The following LHPP variants were observed in gnomAD, a reference collection of about 807,000 sequenced individuals.
The protein encoded by LHPP is hLHPP.
A neutral mutation model predicts 30.3 loss-of-function variants in LHPP; 24 were observed. That is an observed-to-expected ratio of 0.79 (90% CI 0.57 to 1.11). The LOEUF (loss-of-function observed/expected upper bound fraction) is 1.11. Among genes scored for constraint, LHPP ranks in the 50% most tolerant of loss-of-function variants. LHPP has a pLI of 0.00. For missense variants in LHPP, 356 were observed against 367.2 expected (o/e 0.97, Z 0.25); for synonymous variants, 150 against 157.1 (o/e 0.95, Z 0.34).
At chr10:124,582,152 C>G (rs1051279243) in intron 6 of LHPP, among the ~76,000 whole-genome samples, 2 of 152,150 alleles carry the variant, frequency 1.3e-5, no homozygotes, top group Non-Finnish European at 2.9e-5. Context: ...ACAATCACAG[C>G]TCACTGCAAC....
chr10:124,521,996 A>G (rs1178368931), intron 6 of LHPP, among the ~76,000 whole-genome samples: 2 of 152,092 alleles, frequency 1.3e-5, no homozygotes, highest in African/African-American at 2.4e-5. Flanking sequence ...AGATGTATCC[A>G]TTTCTCTTGT....
intron 6 of LHPP, among the ~76,000 whole-genome samples, chr10:124,604,415 C>G (rs1227426035): frequency 6.6e-6 from 1 of 152,194 alleles, no homozygotes; most frequent in Non-Finnish European, 1.5e-5. Context: ...ACGTGGACAG[C>G]AGGGAACCCC....
At chr10:124,507,869 TGGGGGGGTAGGCAGGATTTCAGGTC>T (rs1564798554) in intron 5 of LHPP, among the ~76,000 whole-genome samples, 2 of 13,808 alleles carry the variant, frequency 1.4e-4, no homozygotes, top group African/African-American at 5.1e-4. Context: ...GGATTTCAGG[TGGGGGGGTAGGCAGGATTTCAGGTC>T]GGGGGGGTAG....
chr10:124,539,733 C>T (rs1486171716), intron 6 of LHPP, among the ~76,000 whole-genome samples: 19 of 21,428 alleles, frequency 8.9e-4, no homozygotes, highest in Non-Finnish European at 1.6e-3. Context: ...AAAACCCTGT[C>T]TCAAAAAAAA....
chr10:124,554,655 G>C (rs895565983), intron 6 of LHPP, among the ~76,000 whole-genome samples: 1 of 152,274 alleles, frequency 6.6e-6, no homozygotes, highest in South Asian at 2.1e-4. Context: ...GTGGGCCCAG[G>C]TGGGAGGGGC....
chr10:124,475,460 G>C (rs903662440), intron 1 of LHPP, among the ~76,000 whole-genome samples: 1 of 152,128 alleles, frequency 6.6e-6, no homozygotes, highest in African/African-American at 2.4e-5. Flanking sequence ...AGGATCACTT[G>C]AACCTGGGAG....
Position 124,555,258 on chromosome 10 carries a change from C to A in LHPP, c.716+37987C>A, listed in dbSNP as rs1340885101. On this transcript the variant is annotated intron_variant, in intron 6 of 6. Transcript: ENST00000368842. ...GGAGAACAGGCAGGGTGGGCGAACT[C>A]CTGGCTGGACCACAGCCACAGGCCT... is the stretch of plus-strand genomic sequence containing the variant. Among the ~76,000 whole-genome samples the A allele has an allele frequency of 3.9e-5, 6 of 152,206 alleles. No homozygotes were observed. In the East Asian group the frequency reaches 1.2e-3, roughly 29 times the overall value.
Position 124,613,326 on chromosome 10 carries a change from C to G in LHPP, c.779C>G (p.Ala260Gly). 1.2e-6 allele frequency: 2 copies of G among 1,613,276 alleles called. No individual in the cohort carries two copies. The highest frequency in any genetic ancestry group is 1.7e-6 in the Non-Finnish European group (2 of 1,179,892). ...GGGTACGTGGACAACCTCGCAGAGGCAGTGGACCTGCTGCTGCAGCACGCC... is the reference window on the plus strand; with the variant it reads ...GGGTACGTGGACAACCTCGCAGAGGGAGTGGACCTGCTGCTGCAGCACGCC... ...ADGYVDNLAE[A>G]VDLLLQHADK Residue 260 changes from alanine (A) to glycine (G), a missense_variant, in exon 7 of 7, where the codon GCA becomes GGA. By Grantham distance (60) the Ala-to-Gly change is moderately conservative (BLOSUM62 0). Coordinates refer to ENST00000368842, the MANE Select transcript of LHPP (RefSeq NM_022126.4).
intron 1 of LHPP, among the ~76,000 whole-genome samples, chr10:124,471,068 G>A (rs1175279802): frequency 6.6e-6 from 1 of 152,116 alleles, no homozygotes; most frequent in Admixed American, 6.6e-5. Context: ...TATACAGAGT[G>A]AAAAGTCCAA....
intron 6 of LHPP, among the ~76,000 whole-genome samples, chr10:124,550,786 A>G (rs1296933807): frequency 6.6e-6 from 1 of 152,208 alleles, no homozygotes; most frequent in Non-Finnish European, 1.5e-5. Flanking sequence ...CAGGGCAGCC[A>G]GGAGGGACCT....
intron 6 of LHPP, among the ~76,000 whole-genome samples, chr10:124,566,267 A>C (rs908743350): frequency 1.1e-4 from 17 of 152,304 alleles, no homozygotes; most frequent in African/African-American, 3.6e-4. Context: ...GGTTGGCATC[A>C]TGGGACCCCT....
intron 6 of LHPP, among the ~76,000 whole-genome samples, chr10:124,544,066 A>G (rs1055695908): frequency 4.6e-5 from 7 of 152,252 alleles, no homozygotes; most frequent in African/African-American, 1.4e-4. Flanking sequence ...CTCGCAGCCA[A>G]GCCTGGTGAC....
At chr10:124,572,164 A>G (rs954299907) in intron 6 of LHPP, among the ~76,000 whole-genome samples, 2 of 152,146 alleles carry the variant, frequency 1.3e-5, no homozygotes, top group African/African-American at 4.8e-5. Context: ...CCTTGCACAG[A>G]AGAGAGCAAT....
chr10:124,589,460 T>C (rs991370727), intron 6 of LHPP, among the ~76,000 whole-genome samples: 2 of 152,228 alleles, frequency 1.3e-5, no homozygotes, highest in Admixed American at 6.5e-5. Flanking sequence ...ATGGAGTTGC[T>C]TAGATGTAGT....
At chr10:124,526,522 G>A (rs898927170) in intron 6 of LHPP, among the ~76,000 whole-genome samples, 2 of 152,236 alleles carry the variant, frequency 1.3e-5, no homozygotes, top group Admixed American at 6.5e-5. Flanking sequence ...AATTAGCCAA[G>A]TGTTGCTGGA....
chr10:124,582,990 C>T (rs1393417912), intron 6 of LHPP, among the ~76,000 whole-genome samples: 3 of 152,170 alleles, frequency 2.0e-5, no homozygotes, highest in Non-Finnish European at 4.4e-5. Flanking sequence ...GTCTTGCTGT[C>T]TCAAGGTGGC....
Position 124,519,088 on chromosome 10 carries a change from C to T in LHPP, c.716+1817C>T, listed in dbSNP as rs1954537812. On this transcript the variant is annotated intron_variant, in intron 6 of 6. Transcript: ENST00000368842. The stretch of plus-strand genomic sequence containing the variant: ...TCAGCCTCCCGAGTAGCTGGGACTA[C>T]AGGTGTGCACCACCACGCCTGGCTA... Among the ~76,000 whole-genome samples the T allele has an allele frequency of 2.0e-5, 3 of 152,174 alleles. No homozygotes were observed. The South Asian group carries it at 6.2e-4, about 32-fold the overall frequency.
intron 6 of LHPP, among the ~76,000 whole-genome samples, chr10:124,525,926 C>T (rs868276850): frequency 7.9e-5 from 12 of 152,156 alleles, no homozygotes; most frequent in African/African-American, 2.9e-4. Context: ...GGCTGGGGGG[C>T]TCTGAGCTGA....
chr10:124,591,598 CT>C, intron 6 of LHPP, among the ~76,000 whole-genome samples: 1 of 152,130 alleles, frequency 6.6e-6, no homozygotes, highest in East Asian at 1.9e-4. Flanking sequence ...GTGTCCGTGT[CT>C]CTGTTATTCC....
Sources: allele counts gnomAD v4.1 joint callset (sites outside exome capture counted in the v4.1 genomes callset), GRCh38; gene constraint gnomAD v4.1.1; transcripts MANE v1.5; gene names NCBI Gene and HGNC (gene_info 2026-07-23, HGNC 2026-07-21).